TMEM232: variants seen among roughly 807,000 people sequenced by gnomAD.
TMEM232 encodes the protein transmembrane protein 232.
TMEM232 carries 80 observed loss-of-function variants against 78.8 expected under a neutral mutation model. The ratio of observed to expected loss-of-function variants is 1.01; its 90% CI spans 0.85 to 1.22. The LOEUF (loss-of-function observed/expected upper bound fraction) is 1.22. Ranked by LOEUF, TMEM232 falls within the 50% of genes most tolerant of loss-of-function variation. The pLI is 0.00. For missense variants in TMEM232, 881 were observed against 742.2 expected, an observed-to-expected ratio of 1.19 and a Z score of -2.17; for synonymous variants, 297 against 254.3, an observed-to-expected ratio of 1.17 and a Z score of -1.60.
intron 1 of TMEM232, among the ~76,000 whole-genome samples, chr5:110,703,750 G>A (rs1229736419): frequency 6.6e-6 from 1 of 152,036 alleles, no homozygotes. Flanking sequence ...TTGTGGGACA[G>A]ATAGTTCTCT....
Position 110,627,743 on chromosome 5 carries a change from T to G in TMEM232, c.601+38A>C, listed in dbSNP as rs1303899835. On this transcript the variant is annotated intron_variant, in intron 6 of 13. Transcript: ENST00000455884. ...AGTCTGAGCTTATCAAAATATAACA[T>G]AAAACATTTATAAGTGTAAAAATAA... 1.4e-5 allele frequency: 19 copies of G among 1,316,290 alleles called. 1 individual carries two copies. The highest frequency in any genetic ancestry group is 1.9e-5 in the Non-Finnish European group (18 of 969,812). The allele number at this position is 1,316,290 out of a possible 1,614,324, so 81.5% of individuals were successfully genotyped here.
At chr5:110,460,436 T>A (rs1395934727) in intron 12 of TMEM232, among the ~76,000 whole-genome samples, 1 of 152,108 alleles carries the variant, frequency 6.6e-6, no homozygotes, top group Non-Finnish European at 1.5e-5. Flanking sequence ...TTCCTATGCT[T>A]GAAATTGTAT....
intron 1 of TMEM232, among the ~76,000 whole-genome samples, chr5:110,677,393 G>A (rs1307493109): frequency 6.6e-6 from 1 of 152,066 alleles, no homozygotes; most frequent in East Asian, 1.9e-4. Context: ...AATCTGCCTG[G>A]ATTTGTGACC....
chr5:110,597,503 GA>G (rs1298384583), intron 10 of TMEM232, among the ~76,000 whole-genome samples: 7 of 151,842 alleles, frequency 4.6e-5, no homozygotes, highest in Non-Finnish European at 1.0e-4. Flanking sequence ...CACAGAATTG[GA>G]AAAAACTACT....
chr5:110,682,376 A>C (rs894639160), intron 1 of TMEM232, among the ~76,000 whole-genome samples: 17 of 152,038 alleles, frequency 1.1e-4, no homozygotes, highest in South Asian at 2.1e-4. Context: ...AAATAATGAA[A>C]TGAAAGGTTA....
At chr5:110,680,814 G>A (rs1414472644) in intron 1 of TMEM232, among the ~76,000 whole-genome samples, 2 of 152,104 alleles carry the variant, frequency 1.3e-5, no homozygotes, top group Non-Finnish European at 2.9e-5. Flanking sequence ...GGTCACAGGA[G>A]TTAGGGAAGG....
At chr5:110,642,961 C>T (rs1254762781) in intron 2 of TMEM232, among the ~76,000 whole-genome samples, 8 of 151,896 alleles carry the variant, frequency 5.3e-5, no homozygotes, top group Non-Finnish European at 7.4e-5. Context: ...TGAGAATTAG[C>T]GTGTAGGGAG....
At chr5:110,447,913 A>ATGT (rs1393791244) in intron 12 of TMEM232, among the ~76,000 whole-genome samples, 7 of 152,122 alleles carry the variant, frequency 4.6e-5, no homozygotes, top group Non-Finnish European at 8.8e-5. Context: ...GAATAAAAAG[A>ATGT]TGTTATTAAA....
At chr5:110,691,531 G>A (rs1204481216) in intron 1 of TMEM232, among the ~76,000 whole-genome samples, 1 of 152,104 alleles carries the variant, frequency 6.6e-6, no homozygotes, top group African/African-American at 2.4e-5. Context: ...TCTAAAAGTG[G>A]GCCAAGATGG....
intron 11 of TMEM232, among the ~76,000 whole-genome samples, chr5:110,535,072 CT>C (rs1347160055): frequency 6.6e-6 from 1 of 152,072 alleles, no homozygotes; most frequent in Non-Finnish European, 1.5e-5. Flanking sequence ...TGTCCCAACA[CT>C]TTACCACTAT....
intron 1 of TMEM232, among the ~76,000 whole-genome samples, chr5:110,718,666 A>T (rs749844538): frequency 6.6e-6 from 1 of 151,838 alleles, no homozygotes; most frequent in Non-Finnish European, 1.5e-5. Flanking sequence ...TTTTGCCATT[A>T]TCTCCTTGAA....
At chr5:110,673,162 G>A (rs908988683) in intron 1 of TMEM232, among the ~76,000 whole-genome samples, 4 of 152,134 alleles carry the variant, frequency 2.6e-5, no homozygotes, top group East Asian at 3.9e-4. Flanking sequence ...AGGGACATGG[G>A]TGAAGCTGGA....
intron 11 of TMEM232, among the ~76,000 whole-genome samples, chr5:110,534,322 A>T (rs775618780): frequency 6.6e-6 from 1 of 152,214 alleles, no homozygotes; most frequent in South Asian, 2.1e-4. Context: ...TACAGTCCTC[A>T]GTCTTCAAGA....
chr5:110,659,543 T>C (rs73783686), intron 2 of TMEM232, among the ~76,000 whole-genome samples: 1 of 152,052 alleles, frequency 6.6e-6, no homozygotes, highest in African/African-American at 2.4e-5. Flanking sequence ...AGAAATATTT[T>C]CCATCCAAAG....
At position 110,408,624 on chromosome 5, in the gene TMEM232, A is replaced by C. The variant is rs922799145; in HGVS notation, n.309-10770T>G. ...AACAAAACAGAGACCCAAAAAAACC[A>C]AAAGGTGAAACAAAAAGTTTGTTTA... is the stretch of plus-strand genomic sequence containing the variant. On this transcript the variant is annotated intron_variant and non_coding_transcript_variant, in intron 2 of 8. Coordinates refer to the TMEM232 transcript ENST00000507188. 2.0e-5 allele frequency among the ~76,000 whole-genome samples: 3 copies of C among 152,048 alleles called. No individual in the cohort carries two copies. The East Asian group carries it at 5.8e-4, about 29-fold the overall frequency.
intron 1 of TMEM232, among the ~76,000 whole-genome samples, chr5:110,719,304 T>C (rs1278281361): frequency 6.6e-6 from 1 of 152,168 alleles, no homozygotes; most frequent in Non-Finnish European, 1.5e-5. Context: ...TATATAATTA[T>C]GCATGTGTGT....
At chr5:110,736,906 G>C (rs1224944221) in intron 1 of TMEM232, among the ~76,000 whole-genome samples, 2 of 151,078 alleles carry the variant, frequency 1.3e-5, no homozygotes, top group Non-Finnish European at 2.9e-5. Flanking sequence ...AGCTCTGCCT[G>C]GAAAACTTCT....
At chr5:110,423,219 G>A (rs913868763) in intron 13 of TMEM232, among the ~76,000 whole-genome samples, 22 of 152,158 alleles carry the variant, frequency 1.4e-4, no homozygotes, top group African/African-American at 5.3e-4. Flanking sequence ...CTATGAAAAA[G>A]TGGAAGGGAA....
intron 12 of TMEM232, among the ~76,000 whole-genome samples, chr5:110,519,092 C>T (rs2149493350): frequency 6.6e-6 from 1 of 151,986 alleles, no homozygotes; most frequent in South Asian, 2.1e-4. Flanking sequence ...CTACGTTGTT[C>T]AATTATGGCC....
Sources: allele counts gnomAD v4.1 joint callset (sites outside exome capture counted in the v4.1 genomes callset), GRCh38; gene constraint gnomAD v4.1.1; transcripts MANE v1.5; gene names NCBI Gene and HGNC (gene_info 2026-07-23, HGNC 2026-07-21).